The following MPPED2 variants were observed in gnomAD, a reference collection of about 807,000 sequenced individuals.
The protein encoded by MPPED2 is metallophosphoesterase domain containing 2, also known as metallophosphoesterase MPPED2.
In MPPED2, 5 loss-of-function variants were observed where a neutral mutation model predicts 33.0. That is an observed-to-expected ratio of 0.15 (90% CI 0.08 to 0.32). The LOEUF (loss-of-function observed/expected upper bound fraction) is 0.32, where lower values mean the gene tolerates loss of function less well. Ranked by LOEUF, MPPED2 falls within the 10% of genes least tolerant of loss-of-function variation. The pLI is 1.00. For synonymous variants in MPPED2, 136 were observed against 141.9 expected (o/e 0.96, Z 0.29); for missense variants, 275 against 372.1 (o/e 0.74, Z 2.15).
intron 4 of MPPED2, among the ~76,000 whole-genome samples, chr11:30,494,385 C>G (rs1315590712): frequency 6.6e-6 from 1 of 152,062 alleles, no homozygotes; most frequent in Non-Finnish European, 1.5e-5. Context: ...ACATATACAG[C>G]CAGCCCTCCA....
At chr11:30,471,991 G>A (rs1055860858) in intron 4 of MPPED2, among the ~76,000 whole-genome samples, 19 of 146,626 alleles carry the variant, frequency 1.3e-4, no homozygotes, top group Admixed American at 2.7e-4. Context: ...AAGTCAAAGC[G>A]TGATTCTTGT....
intron 6 of MPPED2, 113 bp from the exon 7 acceptor site, chr11:30,411,699 A>G: frequency 1.4e-6 from 1 of 691,498 alleles, no homozygotes; most frequent in South Asian, 3.8e-5. Context: ...GTGAGATGAA[A>G]TTCAGTTGAG....
intron 2 of MPPED2, among the ~76,000 whole-genome samples, chr11:30,545,950 C>G (rs1955402281): frequency 6.6e-6 from 1 of 152,178 alleles, no homozygotes; most frequent in South Asian, 2.1e-4. Context: ...GCAACCACCT[C>G]CCAGGTTCAA....
intron 2 of MPPED2, among the ~76,000 whole-genome samples, chr11:30,542,922 C>T (rs1393107558): frequency 3.3e-5 from 5 of 152,066 alleles, no homozygotes; most frequent in African/African-American, 1.2e-4. Flanking sequence ...AAAATACTGG[C>T]AAATCAGTCA....
At chr11:30,518,612 C>T (rs1294565191) in intron 3 of MPPED2, among the ~76,000 whole-genome samples, 3 of 152,206 alleles carry the variant, frequency 2.0e-5, no homozygotes, top group African/African-American at 7.2e-5. Context: ...AAAGCATGCA[C>T]ATCTTATGCT....
intron 3 of MPPED2, among the ~76,000 whole-genome samples, chr11:30,496,034 T>C (rs140447648): frequency 4.3e-4 from 66 of 152,352 alleles, no homozygotes; most frequent in African/African-American, 1.4e-3. Flanking sequence ...TATAATTTCA[T>C]ATTTCAACTC....
At chr11:30,486,567 G>A (rs569828326) in intron 4 of MPPED2, among the ~76,000 whole-genome samples, 1 of 152,272 alleles carries the variant, frequency 6.6e-6, no homozygotes, top group South Asian at 2.1e-4. Flanking sequence ...GTGATTTCTA[G>A]AGCTGCTCAC....
intron 4 of MPPED2, among the ~76,000 whole-genome samples, chr11:30,418,471 G>A (rs1315979698): frequency 6.6e-6 from 1 of 152,202 alleles, no homozygotes; most frequent in East Asian, 1.9e-4. Context: ...ATGGGAGACT[G>A]ATCAATTTCT....
intron 4 of MPPED2, among the ~76,000 whole-genome samples, chr11:30,481,751 G>T (rs1430557409): frequency 2.6e-5 from 4 of 152,094 alleles, no homozygotes; most frequent in Non-Finnish European, 5.9e-5. Flanking sequence ...AAAGGTCTGG[G>T]TTTTATCATT....
intron 4 of MPPED2, among the ~76,000 whole-genome samples, chr11:30,426,494 G>A (rs1020613744): frequency 4.6e-5 from 7 of 152,210 alleles, no homozygotes; most frequent in African/African-American, 1.7e-4. Flanking sequence ...TCTTTGTGAA[G>A]TGCACAGTTA....
At chr11:30,443,037 T>A (rs892682770) in intron 4 of MPPED2, among the ~76,000 whole-genome samples, 27 of 152,144 alleles carry the variant, frequency 1.8e-4, no homozygotes, top group African/African-American at 6.5e-4. Flanking sequence ...TATCTTTTTT[T>A]AATCAAGTCA....
At chr11:30,432,612 T>A (rs1045045858) in intron 4 of MPPED2, among the ~76,000 whole-genome samples, 1 of 147,860 alleles carries the variant, frequency 6.8e-6, no homozygotes, top group African/African-American at 2.5e-5. Context: ...ATGACACTAG[T>A]TTTTTTTTAA....
intron 2 of MPPED2, among the ~76,000 whole-genome samples, chr11:30,552,814 G>A (rs1955779107): frequency 6.6e-6 from 1 of 152,244 alleles, no homozygotes; most frequent in Non-Finnish European, 1.5e-5. Flanking sequence ...ACAGCCCTAA[G>A]GATGGGGCCT....
intron 2 of MPPED2, among the ~76,000 whole-genome samples, chr11:30,579,460 G>A (rs1957071407): frequency 1.3e-5 from 2 of 152,132 alleles, no homozygotes. Context: ...AAGAGAGATG[G>A]TGACCTTTTG....
At chr11:30,572,032 C>T (rs1264697468) in intron 2 of MPPED2, among the ~76,000 whole-genome samples, 1 of 152,134 alleles carries the variant, frequency 6.6e-6, no homozygotes, top group East Asian at 1.9e-4. Flanking sequence ...CTCCTAGTTG[C>T]AGGATATGTC....
chr11:30,513,896 A>C (rs1953370009), intron 3 of MPPED2, among the ~76,000 whole-genome samples: 1 of 152,150 alleles, frequency 6.6e-6, no homozygotes, highest in African/African-American at 2.4e-5. Context: ...AATGCTACCC[A>C]AGCCTATCTC....
rs1271212043 is a variant in MPPED2 at position 30,580,226 on chromosome 11, A to G, written c.128+20T>C. On this transcript the variant is annotated intron_variant, in intron 2 of 6. Transcript: ENST00000358117. ...ATTTTCTTGATTGCTAATTTTGTTA[A>G]GTTCATAAGCGATACTTACATATGT... is the stretch of plus-strand genomic sequence containing the variant. 6.3e-7 allele frequency: 1 copy of G among 1,593,504 alleles called. No homozygotes were observed. Among genetic ancestry groups the G allele is most frequent in the Non-Finnish European group, 8.5e-7 (1 of 1,172,588 alleles).
At chr11:30,426,736 T>C (rs2133820369) in intron 4 of MPPED2, among the ~76,000 whole-genome samples, 1 of 152,288 alleles carries the variant, frequency 6.6e-6, no homozygotes, top group East Asian at 1.9e-4. Context: ...AATAACCTAA[T>C]TTCAGAGGAG....
chr11:30,422,639 G>C (rs1010063423), intron 4 of MPPED2, among the ~76,000 whole-genome samples: 1 of 152,176 alleles, frequency 6.6e-6, no homozygotes, highest in African/African-American at 2.4e-5. Flanking sequence ...TGTAGCAATG[G>C]GGGTGAGGGG....
Sources: allele counts gnomAD v4.1 joint callset (sites outside exome capture counted in the v4.1 genomes callset), GRCh38; gene constraint gnomAD v4.1.1; transcripts MANE v1.5; gene names NCBI Gene and HGNC (gene_info 2026-07-23, HGNC 2026-07-21).